The following HS2ST1 variants were observed in gnomAD, a reference collection of about 807,000 sequenced individuals.
HS2ST1 encodes heparan sulfate 2-O-sulfotransferase 1, also known as 2-O-sulfotransferase.
A neutral mutation model predicts 42.9 loss-of-function variants in HS2ST1; 18 were observed. The observed-to-expected ratio is 0.42, with a 90% confidence interval of 0.29 to 0.62. HS2ST1 has a LOEUF of 0.62. HS2ST1 is among the 20% of genes least tolerant of loss of function. The pLI is 0.21. For missense variants in HS2ST1, 334 were observed against 433.8 expected (o/e 0.77, Z 2.04); for synonymous variants, 146 against 152.9 (o/e 0.95, Z 0.33).
intron 1 of HS2ST1, among the ~76,000 whole-genome samples, chr1:87,027,957 T>C (rs1650130910): frequency 6.6e-6 from 1 of 152,258 alleles, no homozygotes; most frequent in Non-Finnish European, 1.5e-5. Context: ...CCCGAAGTGC[T>C]GGGATTACAG....
chr1:87,056,008 T>C (rs981181388), intron 1 of HS2ST1, among the ~76,000 whole-genome samples: 4 of 152,126 alleles, frequency 2.6e-5, no homozygotes, highest in African/African-American at 9.7e-5. Flanking sequence ...TGTGCTGTGG[T>C]TTGAATATGG....
At chr1:87,061,931 T>C (rs1478476654) in intron 1 of HS2ST1, among the ~76,000 whole-genome samples, 1 of 152,036 alleles carries the variant, frequency 6.6e-6, no homozygotes, top group Admixed American at 6.5e-5. Context: ...TTTTTTTTTT[T>C]TAAGTTTTTG....
chr1:86,938,836 A>G (rs1369122744), intron 1 of HS2ST1, among the ~76,000 whole-genome samples: 1 of 152,220 alleles, frequency 6.6e-6, no homozygotes, highest in East Asian at 1.9e-4. Context: ...TAGAGAGTCT[A>G]GGAAATGTCA....
chr1:87,086,347 T>C (rs998620017), intron 3 of HS2ST1, among the ~76,000 whole-genome samples: 1 of 152,130 alleles, frequency 6.6e-6, no homozygotes. Context: ...CTGTGTGTGG[T>C]TGAAAAAAAT....
At chr1:86,976,058 A>G (rs1648391601) in intron 1 of HS2ST1, among the ~76,000 whole-genome samples, 1 of 152,228 alleles carries the variant, frequency 6.6e-6, no homozygotes, top group South Asian at 2.1e-4. Flanking sequence ...TATTAAATGC[A>G]TTATGATTAT....
intron 1 of HS2ST1, among the ~76,000 whole-genome samples, chr1:87,051,247 A>G (rs1650823466): frequency 6.6e-6 from 1 of 151,408 alleles, no homozygotes; most frequent in South Asian, 2.1e-4. Flanking sequence ...TCGTGGTTTG[A>G]TTGGTTCCAG....
At chr1:87,013,897 C>G (rs769775233) in intron 1 of HS2ST1, among the ~76,000 whole-genome samples, 4 of 152,174 alleles carry the variant, frequency 2.6e-5, no homozygotes, top group Non-Finnish European at 5.9e-5. Context: ...CACAATGCCA[C>G]CAGTTTCTTT....
chr1:87,101,391 C>G (rs1292094846), intron 5 of HS2ST1, among the ~76,000 whole-genome samples: 1 of 151,872 alleles, frequency 6.6e-6, no homozygotes, highest in Non-Finnish European at 1.5e-5. Flanking sequence ...GTCTCGAACT[C>G]CAGACCTCAG....
chr1:87,036,953 C>G (rs987300475), intron 1 of HS2ST1, among the ~76,000 whole-genome samples: 1 of 152,160 alleles, frequency 6.6e-6, no homozygotes, highest in Non-Finnish European at 1.5e-5. Flanking sequence ...CTGGAACATT[C>G]ACTTGCATAT....
intron 1 of HS2ST1, among the ~76,000 whole-genome samples, chr1:87,017,810 A>G (rs1004593285): frequency 6.9e-6 from 1 of 145,540 alleles, no homozygotes; most frequent in African/African-American, 2.5e-5. Context: ...TTGATTTTTG[A>G]TATATGTGTC....
intron 1 of HS2ST1, among the ~76,000 whole-genome samples, chr1:87,066,818 G>A (rs1051322908): frequency 3.9e-5 from 6 of 152,000 alleles, no homozygotes; most frequent in Admixed American, 2.6e-4. Flanking sequence ...GTGAGAACAT[G>A]TGGTGTTTGG....
At chr1:87,016,008 G>T (rs1026038152) in intron 1 of HS2ST1, among the ~76,000 whole-genome samples, 4 of 151,488 alleles carry the variant, frequency 2.6e-5, no homozygotes, top group Admixed American at 2.0e-4. Flanking sequence ...GTAGAGACGG[G>T]GTTTCACCAT....
chr1:87,088,033 AATGT>A (rs1464119736), intron 3 of HS2ST1, among the ~76,000 whole-genome samples: 1 of 152,074 alleles, frequency 6.6e-6, no homozygotes, highest in East Asian at 1.9e-4. Flanking sequence ...TAAATGTGAT[AATGT>A]AGATGGAGCA....
intron 1 of HS2ST1, chr1:87,045,782 G>A (rs1042080022): frequency 1.1e-6 from 1 of 903,964 alleles, no homozygotes; most frequent in Middle Eastern, 2.2e-4. Context: ...TTGTAGCAGA[G>A]GTAACAAAAT....
chr1:86,914,747 T>G lies in HS2ST1; in HGVS notation c.-290T>G. 6 of 422,716 alleles carry G rather than the reference T, an allele frequency of 1.4e-5. No homozygotes were observed. The highest frequency in any genetic ancestry group is 2.4e-5 in the South Asian group (1 of 41,650). 26.2% of individuals were successfully genotyped at this position (422,716 alleles called of 1,614,324 possible). ...GCGCGGGGGTCGGGGACTGAGGCAG[T>G]AGAGGGAGGCGAGAGCCCGGCAGCC... On this transcript the variant is annotated 5_prime_UTR_variant, in exon 1 of 7. Transcript: ENST00000370550.
At chr1:87,025,063 G>A (rs1557519573) in intron 1 of HS2ST1, among the ~76,000 whole-genome samples, 1 of 152,162 alleles carries the variant, frequency 6.6e-6, no homozygotes, top group Non-Finnish European at 1.5e-5. Context: ...TTTCAGTGAG[G>A]GACTATAACA....
intron 1 of HS2ST1, among the ~76,000 whole-genome samples, chr1:86,966,587 TTAG>T (rs1446465198): frequency 6.6e-6 from 1 of 152,240 alleles, no homozygotes; most frequent in African/African-American, 2.4e-5. Flanking sequence ...ATACAGTTTG[TTAG>T]TAGATACAAT....
At chr1:86,951,678 A>C (rs1647524526) in intron 1 of HS2ST1, among the ~76,000 whole-genome samples, 1 of 152,210 alleles carries the variant, frequency 6.6e-6, no homozygotes, top group East Asian at 1.9e-4. Context: ...CAATTTCTTC[A>C]AATAAGACAA....
intron 1 of HS2ST1, among the ~76,000 whole-genome samples, chr1:87,071,830 A>G (rs2100633733): frequency 6.6e-6 from 1 of 152,034 alleles, no homozygotes; most frequent in Admixed American, 6.6e-5. Context: ...GGGAAATGGA[A>G]GATTGTTCAA....
Sources: gnomAD v4.1 joint callset for allele counts (sites outside exome capture counted in the v4.1 genomes callset) on GRCh38, gnomAD v4.1.1 for gene constraint, MANE v1.5 for transcripts, NCBI Gene and HGNC (gene_info 2026-07-23, HGNC 2026-07-21) for gene names.